The following MTUS2 variants were observed in gnomAD, a reference collection of about 807,000 sequenced individuals.
MTUS2 encodes the protein microtubule associated scaffold protein 2.
A neutral mutation model predicts 114.1 loss-of-function variants in MTUS2; 40 were observed. The ratio of observed to expected loss-of-function variants is 0.35; its 90% CI spans 0.27 to 0.46. The LOEUF (loss-of-function observed/expected upper bound fraction) is 0.46. MTUS2 is among the 20% of genes least tolerant of loss of function. MTUS2 has a pLI of 1.00. For missense variants in MTUS2, 1,679 were observed against 1,705.4 expected (o/e 0.98, Z 0.27); for synonymous variants, 688 against 672.0 (o/e 1.02, Z -0.37).
chr13:29,488,840 C>T (rs1881841721), intron 11 of MTUS2, among the ~76,000 whole-genome samples: 1 of 152,194 alleles, frequency 6.6e-6, no homozygotes, highest in Non-Finnish European at 1.5e-5. Flanking sequence ...TTACGTGGGT[C>T]ATAACAGCAT....
upstream of MTUS2, among the ~76,000 whole-genome samples, chr13:28,820,179 G>A (rs908863470): frequency 1.4e-5 from 2 of 146,732 alleles, no homozygotes; most frequent in South Asian, 2.1e-4. Flanking sequence ...AGCAGCCGCG[G>A]CCGCGGCGGA....
At chr13:29,095,987 T>C (rs1023109475) in intron 4 of MTUS2, among the ~76,000 whole-genome samples, 5 of 152,164 alleles carry the variant, frequency 3.3e-5, no homozygotes, top group African/African-American at 1.2e-4. Context: ...TGTTGCCTGC[T>C]TTTTTCTAGT....
intron 2 of MTUS2, among the ~76,000 whole-genome samples, chr13:28,984,632 G>A (rs1884498592): frequency 2.0e-5 from 3 of 152,140 alleles, no homozygotes; most frequent in South Asian, 2.1e-4. Flanking sequence ...GGCTCTTTTC[G>A]AACCCCTATG....
At chr13:29,067,981 C>T (rs1888738604) in intron 4 of MTUS2, among the ~76,000 whole-genome samples, 1 of 152,192 alleles carries the variant, frequency 6.6e-6, no homozygotes, top group South Asian at 2.1e-4. Context: ...AGTGCCACTT[C>T]ACTATTTTTT....
chr13:29,100,019 T>C lies in MTUS2; in HGVS notation c.2447-754T>C, dbSNP rs571245501. ...ACTAATTCTGAAGTTTGGACTAACA[T>C]AACAGATAGTGTAAAAAGGAGAAAA... On this transcript the variant is annotated intron_variant, in intron 4 of 15. Transcript: ENST00000612955. 7.9e-5 allele frequency among the ~76,000 whole-genome samples: 12 copies of C among 152,326 alleles called. 1 individual carries two copies. In the East Asian group the frequency reaches 1.2e-3, roughly 15 times the overall value.
At chr13:29,001,083 A>G (rs2138382090) in intron 2 of MTUS2, among the ~76,000 whole-genome samples, 1 of 152,262 alleles carries the variant, frequency 6.6e-6, no homozygotes, top group South Asian at 2.1e-4. Context: ...TCTCACAGTC[A>G]TTATTCAGGC....
In MTUS2 at chr13:28,923,262, A is replaced by G. The variant is rs116684349; in HGVS notation, c.-243+83412A>G. 3.3e-3 allele frequency among the ~76,000 whole-genome samples: 506 copies of G among 152,302 alleles called. 3 individuals carry two copies. Among genetic ancestry groups the G allele is most frequent in the African/African-American group, 0.011 (441 of 41,556 alleles). On this transcript the variant is annotated intron_variant, in intron 2 of 15. Coordinates refer to ENST00000612955, the MANE Select transcript of MTUS2 (RefSeq NM_001033602.4). ...GTCAGAGAATGCTAACATCCGATTC[A>G]TCTCAGTGTTGGTGTCAGTTGTCTT...
intron 6 of MTUS2, among the ~76,000 whole-genome samples, chr13:29,283,751 G>A (rs1339935969): frequency 6.6e-6 from 1 of 152,148 alleles, no homozygotes; most frequent in Non-Finnish European, 1.5e-5. Flanking sequence ...TAGAAAAATG[G>A]GTTAGGAATT....
At chr13:29,451,805 T>C (rs1365505295) in intron 9 of MTUS2, among the ~76,000 whole-genome samples, 8 of 152,074 alleles carry the variant, frequency 5.3e-5, no homozygotes, top group Admixed American at 5.2e-4. Flanking sequence ...TCCAGGCTGG[T>C]CTCAAACTCC....
intron 5 of MTUS2, among the ~76,000 whole-genome samples, chr13:29,200,902 A>G (rs562975318): frequency 6.6e-6 from 1 of 152,058 alleles, no homozygotes; most frequent in East Asian, 1.9e-4. Context: ...ATTCTTTTCC[A>G]TTTTCTGAGG....
chr13:28,909,060 G>T (rs1318388294), intron 2 of MTUS2, among the ~76,000 whole-genome samples: 1 of 151,256 alleles, frequency 6.6e-6, no homozygotes, highest in East Asian at 1.9e-4. Context: ...TCTCTGTTTT[G>T]GTACCAGTAC....
At chr13:28,899,306 T>C (rs1016759731) in intron 2 of MTUS2, among the ~76,000 whole-genome samples, 1 of 152,246 alleles carries the variant, frequency 6.6e-6, no homozygotes, top group Non-Finnish European at 1.5e-5. Context: ...TAAATGAACT[T>C]GTAAACAGAG....
intron 2 of MTUS2, among the ~76,000 whole-genome samples, chr13:28,862,624 A>G (rs1877064114): frequency 6.6e-6 from 1 of 152,178 alleles, no homozygotes; most frequent in Non-Finnish European, 1.5e-5. Context: ...CAAAAACCAA[A>G]CCAAACCAAA....
At chr13:29,485,664 A>G (rs566170963) in intron 10 of MTUS2, among the ~76,000 whole-genome samples, 6 of 152,336 alleles carry the variant, frequency 3.9e-5, no homozygotes, top group South Asian at 2.1e-4. Flanking sequence ...TCCATCACCA[A>G]TGACTCAAAG....
At chr13:28,904,305 GT>G (rs1157171708) in intron 2 of MTUS2, among the ~76,000 whole-genome samples, 1 of 152,162 alleles carries the variant, frequency 6.6e-6, no homozygotes, top group African/African-American at 2.4e-5. Context: ...TGCTTTTGGT[GT>G]TTTAGACATG....
intron 5 of MTUS2, among the ~76,000 whole-genome samples, chr13:29,233,471 C>A (rs1896416581): frequency 6.6e-6 from 1 of 152,120 alleles, no homozygotes; most frequent in African/African-American, 2.4e-5. Context: ...TGATTGATGT[C>A]ATTTTATATT....
chr13:28,940,860 G>A (rs1009017710), intron 2 of MTUS2, among the ~76,000 whole-genome samples: 1 of 152,010 alleles, frequency 6.6e-6, no homozygotes, highest in Non-Finnish European at 1.5e-5. Context: ...GAAAATGAGT[G>A]GGGGATGGAG....
chr13:29,011,245 C>T (rs1045858733), intron 2 of MTUS2, among the ~76,000 whole-genome samples: 23 of 152,108 alleles, frequency 1.5e-4, no homozygotes, highest in African/African-American at 5.6e-4. Flanking sequence ...CATACTTACT[C>T]AGGTTTGTGC....
intron 2 of MTUS2, among the ~76,000 whole-genome samples, chr13:28,853,307 G>T (rs1202195596): frequency 6.6e-6 from 1 of 152,250 alleles, no homozygotes; most frequent in Non-Finnish European, 1.5e-5. Flanking sequence ...GCAGCACATT[G>T]AATTGTTAAA....
Sources: allele counts gnomAD v4.1 joint callset (sites outside exome capture counted in the v4.1 genomes callset), GRCh38; gene constraint gnomAD v4.1.1; transcripts MANE v1.5; gene names NCBI Gene and HGNC (gene_info 2026-07-23, HGNC 2026-07-21).